The following FAF1 variants were observed in gnomAD, a reference collection of about 807,000 sequenced individuals.
FAF1 encodes Fas associated factor 1.
A neutral mutation model predicts 92.5 loss-of-function variants in FAF1; 25 were observed. That is an observed-to-expected ratio of 0.27 (90% CI 0.20 to 0.38). FAF1 has a LOEUF of 0.38. Among genes scored for constraint, FAF1 ranks in the 10% least tolerant of loss-of-function variants. The pLI is 1.00. For synonymous variants in FAF1, 234 were observed against 273.2 expected, an observed-to-expected ratio of 0.86 and a Z score of 1.42; for missense variants, 636 against 793.3, an observed-to-expected ratio of 0.80 and a Z score of 2.38.
intron 18 of FAF1, among the ~76,000 whole-genome samples, chr1:50,442,160 C>A (rs926098807): frequency 6.6e-6 from 1 of 151,970 alleles, no homozygotes; most frequent in Non-Finnish European, 1.5e-5. Context: ...GAGTGGGATA[C>A]GTTAATCATA....
chr1:50,628,451 G>A (rs1653610663), intron 8 of FAF1, among the ~76,000 whole-genome samples: 1 of 152,060 alleles, frequency 6.6e-6, no homozygotes, highest in African/African-American at 2.4e-5. Flanking sequence ...CTGCGGCCTT[G>A]GACAAATTTT....
intron 2 of FAF1, among the ~76,000 whole-genome samples, chr1:50,822,818 A>C: frequency 7.8e-6 from 1 of 128,688 alleles, no homozygotes; most frequent in African/African-American, 3.1e-5. Flanking sequence ...CTTGTTGCCC[A>C]GGCTGGAGTG....
chr1:50,564,497 AATG>A (rs1347446449), intron 13 of FAF1, among the ~76,000 whole-genome samples: 1 of 152,242 alleles, frequency 6.6e-6, no homozygotes. Context: ...ATCATATGCA[AATG>A]ATGTCATAAC....
Position 50,536,132 on chromosome 1 carries a change from T to C in FAF1, c.1406-675A>G, listed in dbSNP as rs189028598. 2.4e-3 allele frequency among the ~76,000 whole-genome samples: 358 copies of C among 152,320 alleles called. 1 individual carries two copies. The highest frequency in any genetic ancestry group is 8.4e-3 in the African/African-American group (349 of 41,580). ...AAAAAAGATTTCTTTTTTTGCCCAA[T>C]TGATATTTCTCCCTTTCAGCTGCTT... is the stretch of plus-strand genomic sequence containing the variant. On this transcript the variant is annotated intron_variant, in intron 14 of 18. Transcript: ENST00000396153.
At chr1:50,715,278 T>A (rs1362212866) in intron 6 of FAF1, among the ~76,000 whole-genome samples, 1 of 152,198 alleles carries the variant, frequency 6.6e-6, no homozygotes, top group African/African-American at 2.4e-5. Context: ...ATAATTTTTC[T>A]ATACTGTTTC....
At chr1:50,728,311 A>C (rs1442487871) in intron 6 of FAF1, among the ~76,000 whole-genome samples, 1 of 152,208 alleles carries the variant, frequency 6.6e-6, no homozygotes, top group Admixed American at 6.5e-5. Context: ...AGAATAGCAA[A>C]ATATAAATGC....
chr1:50,613,393 T>A (rs1400273220), intron 8 of FAF1, among the ~76,000 whole-genome samples: 4 of 152,196 alleles, frequency 2.6e-5, no homozygotes, highest in African/African-American at 9.6e-5. Flanking sequence ...AACTTACGCA[T>A]CTTCATTTTT....
At chr1:50,450,055 C>T (rs1013489618) in intron 18 of FAF1, among the ~76,000 whole-genome samples, 3 of 151,586 alleles carry the variant, frequency 2.0e-5, no homozygotes, top group East Asian at 2.0e-4. Flanking sequence ...ATTAGCTGGG[C>T]GTGGTGGTGC....
At chr1:50,773,720 AG>A (rs879400447) in intron 4 of FAF1, among the ~76,000 whole-genome samples, 3 of 152,194 alleles carry the variant, frequency 2.0e-5, no homozygotes, top group Non-Finnish European at 4.4e-5. Context: ...TATCAATCAG[AG>A]GGTCTCTTTG....
chr1:50,789,886 C>T (rs1661501982), intron 3 of FAF1, among the ~76,000 whole-genome samples: 1 of 152,190 alleles, frequency 6.6e-6, no homozygotes. Flanking sequence ...TTTCTTCTCT[C>T]ACCTTAATCA....
intron 3 of FAF1, among the ~76,000 whole-genome samples, chr1:50,796,722 C>G (rs895652472): frequency 6.6e-6 from 1 of 152,152 alleles, no homozygotes; most frequent in African/African-American, 2.4e-5. Context: ...ACTTGGTGGT[C>G]CAGCTGCCTC....
intron 6 of FAF1, among the ~76,000 whole-genome samples, chr1:50,726,588 G>C (rs967499108): frequency 1.3e-5 from 2 of 152,108 alleles, no homozygotes; most frequent in Non-Finnish European, 2.9e-5. Context: ...CCAGCACTTT[G>C]GGAGGCTGAG....
intron 1 of FAF1, among the ~76,000 whole-genome samples, chr1:50,914,570 T>C (rs1446127218): frequency 1.3e-5 from 2 of 152,232 alleles, no homozygotes; most frequent in African/African-American, 2.4e-5. Flanking sequence ...CTTAGGCTAC[T>C]GAAAAACACA....
At chr1:50,784,059 T>C (rs1224955088) in intron 4 of FAF1, among the ~76,000 whole-genome samples, 1 of 152,146 alleles carries the variant, frequency 6.6e-6, no homozygotes, top group Non-Finnish European at 1.5e-5. Context: ...ATGCCATATA[T>C]GAAAGTCCCA....
At chr1:50,646,120 G>A (rs1015829200) in intron 8 of FAF1, among the ~76,000 whole-genome samples, 3 of 152,102 alleles carry the variant, frequency 2.0e-5, no homozygotes, top group Admixed American at 1.3e-4. Flanking sequence ...CCATTTTGTA[G>A]ATAAAGAAAC....
intron 1 of FAF1, among the ~76,000 whole-genome samples, chr1:50,858,710 A>T (rs962891907): frequency 6.6e-6 from 1 of 151,892 alleles, no homozygotes; most frequent in Non-Finnish European, 1.5e-5. Context: ...AAATACTAAG[A>T]AAAAATTAAC....
At chr1:50,704,159 T>G (rs1657582333) in intron 7 of FAF1, among the ~76,000 whole-genome samples, 1 of 152,192 alleles carries the variant, frequency 6.6e-6, no homozygotes, top group Non-Finnish European at 1.5e-5. Context: ...TCCTTTTTGT[T>G]AATATAAGAG....
chr1:50,672,710 C>T (rs79695896), intron 7 of FAF1, among the ~76,000 whole-genome samples: 1,903 of 152,296 alleles, frequency 0.012, 42 homozygotes, highest in African/African-American at 0.042. Flanking sequence ...TAGATACTTA[C>T]ATGCTTCACT....
intron 2 of FAF1, among the ~76,000 whole-genome samples, chr1:50,815,842 G>A (rs1643966619): frequency 6.6e-6 from 1 of 152,172 alleles, no homozygotes; most frequent in East Asian, 1.9e-4. Flanking sequence ...TGGCCAACAT[G>A]GTGAAACCCT....
Sources: allele counts gnomAD v4.1 joint callset (sites outside exome capture counted in the v4.1 genomes callset), GRCh38; gene constraint gnomAD v4.1.1; transcripts MANE v1.5; gene names NCBI Gene and HGNC (gene_info 2026-07-23, HGNC 2026-07-21).